The following STAG3 variants were observed in gnomAD, a reference collection of about 807,000 sequenced individuals.
STAG3 encodes the protein STAG3 cohesin complex component.
STAG3 carries 101 observed loss-of-function variants against 160.7 expected under a neutral mutation model. The ratio of observed to expected loss-of-function variants is 0.63; its 90% CI spans 0.54 to 0.74. The LOEUF is 0.74. Ranked by LOEUF, STAG3 falls within the 30% of genes least tolerant of loss-of-function variation. The probability of loss-of-function intolerance (pLI) is 0.00; values close to 1 mark genes in which losing one functional copy is unlikely to be tolerated. For missense variants in STAG3, 1,188 were observed against 1,517.4 expected (o/e 0.78, Z 3.61); for synonymous variants, 519 against 585.0 (o/e 0.89, Z 1.63).
chr7:100,211,790 A>C lies in STAG3; in HGVS notation c.3519-5A>C. On this transcript the variant is annotated splice_region_variant and splice_polypyrimidine_tract_variant and intron_variant, in intron 31 of 33. Transcript: ENST00000615138. ...GAAAAGCCAGTCTCTTTGCCCCTACATCAGACTCAGCCTTATGGAAGAGGA... is the reference window on the plus strand; with the variant it reads ...GAAAAGCCAGTCTCTTTGCCCCTACCTCAGACTCAGCCTTATGGAAGAGGA... The C allele has an allele frequency of 6.2e-7, 1 of 1,613,966 alleles. No individual in the cohort carries two copies. The highest frequency in any genetic ancestry group is 8.5e-7 in the Non-Finnish European group (1 of 1,179,934).
intron 4 of STAG3, among the ~76,000 whole-genome samples, chr7:100,183,815 G>C (rs747982879): frequency 6.6e-5 from 10 of 152,168 alleles, no homozygotes; most frequent in Non-Finnish European, 1.3e-4. Flanking sequence ...TTAATTATTT[G>C]AGTTAACATT....
At chr7:100,206,823 A>T (rs1801698628) in intron 29 of STAG3, among the ~76,000 whole-genome samples, 2 of 152,186 alleles carry the variant, frequency 1.3e-5, no homozygotes, top group Admixed American at 1.3e-4. Context: ...TTGTACAACC[A>T]TCACAACTAT....
chr7:100,189,411 A>C, intron 7 of STAG3, 34 bp from the exon 8 acceptor site: 1 of 1,598,354 alleles, frequency 6.3e-7, no homozygotes, highest in Non-Finnish European at 8.5e-7. Flanking sequence ...TGACCTCAGT[A>C]ATGATTTCTT....
chr7:100,218,307 A>G (rs1206479320), downstream of STAG3: 9 of 168,410 alleles, frequency 5.3e-5, no homozygotes, highest in African/African-American at 2.2e-4. Context: ...GAGTTATGCT[A>G]TAAACTAATG....
intron 4 of STAG3, among the ~76,000 whole-genome samples, chr7:100,184,755 C>CA (rs2117099329): frequency 6.6e-6 from 1 of 152,148 alleles, no homozygotes; most frequent in African/African-American, 2.4e-5. Flanking sequence ...TGTGAGCCAC[C>CA]ATGCCTGGCC....
Position 100,211,016 on chromosome 7 carries a change from G to T in STAG3, c.3244G>T (p.Ala1082Ser). The part of the protein sequence containing the change: ...SSKRRRVEGP[A>S]KPNREDVSSS... Reference sequence around the variant, plus strand: ...TGTATGCATCTGCTTGGCAGGGCCTGCCAAGCCTAACAGAGAGGACGTCTC... The same window carrying T: ...TGTATGCATCTGCTTGGCAGGGCCTTCCAAGCCTAACAGAGAGGACGTCTC... The change falls in exon 30 of 34, where the codon GCC becomes TCC. Residue 1082 changes from alanine (A) to serine (S), a missense_variant. By Grantham distance (99) the Ala-to-Ser change is moderately conservative. Around this residue, in one of 4 missense-constraint regions of STAG3, gnomAD observed 647 missense variants for 717.2 expected, o/e 0.90. Coordinates refer to ENST00000615138, the MANE Select transcript of STAG3 (RefSeq NM_001282717.2). The T allele has an allele frequency of 6.2e-7, 1 of 1,613,008 alleles. No individual in the cohort carries two copies.
chr7:100,201,710 CACTGGTGT>C, intron 21 of STAG3, 68 bp from the exon 22 acceptor site: 1 of 1,242,858 alleles, frequency 8.0e-7, no homozygotes, highest in Non-Finnish European at 1.2e-6. Flanking sequence ...CTCTCCTCTT[CACTGGTGT>C]GTTTCTGGCT....
chr7:100,204,618 T>C lies in STAG3; in HGVS notation c.2803-9T>C. 6.2e-7 allele frequency: 1 copy of C among 1,613,354 alleles called. No homozygotes were observed. Among genetic ancestry groups the C allele is most frequent in the Non-Finnish European group, 8.5e-7 (1 of 1,179,560 alleles). ...CCTTTCCCACATGCACCATGTCTCC[T>C]GGACACAGCTGTACACAGAACTGCT... On this transcript the variant is annotated splice_polypyrimidine_tract_variant and intron_variant, in intron 26 of 33. Coordinates refer to ENST00000615138, the MANE Select transcript of STAG3 (RefSeq NM_001282717.2).
In STAG3 at chr7:100,205,226, G is replaced by T; in HGVS notation, c.3081-1G>T. The T allele has an allele frequency of 8.7e-6, 14 of 1,613,856 alleles. No homozygotes were observed. The highest frequency in any genetic ancestry group is 1.2e-5 in the Non-Finnish European group (14 of 1,179,856). ...GGCTTTTGGTTCTACCTCTTTCATA[G>T]ACTGTCCTATCTAGAAAAGTGCCTG... On this transcript the variant is annotated splice_acceptor_variant, in intron 28 of 33. Transcript: ENST00000615138. LOFTEE classifies it high-confidence loss of function.
downstream of STAG3, among the ~76,000 whole-genome samples, chr7:100,216,884 C>T (rs1802798283): frequency 6.6e-6 from 1 of 152,182 alleles, no homozygotes; most frequent in Non-Finnish European, 1.5e-5. Flanking sequence ...TTGCAGTTAC[C>T]GCTTTTTAAA....
In STAG3 at chr7:100,188,924, A is replaced by G. The variant is rs1165337774; in HGVS notation, c.623A>G (p.Tyr208Cys). The change falls in exon 7 of 34, where the codon TAT (tyrosine) becomes TGT (cysteine). Residue 208 changes from tyrosine to cysteine, a missense_variant. Transcript: ENST00000615138. The part of the protein sequence containing the change: ...LVCQCQYSLL[Y>C]DGFPMDDLIS... The stretch of plus-strand genomic sequence containing the variant: ...TGTCAGTGCCAGTACAGCCTCCTCT[A>G]TGATGGCTTCCCTATGGACGACCTC... 9 of 1,614,102 alleles carry G rather than the reference A, an allele frequency of 5.6e-6. No homozygotes were observed. Among genetic ancestry groups the G allele is most frequent in the Admixed American group, 5.0e-5 (3 of 60,000 alleles).
intron 8 of STAG3, among the ~76,000 whole-genome samples, chr7:100,192,476 A>G (rs1304852713): frequency 6.6e-6 from 1 of 152,226 alleles, no homozygotes; most frequent in Non-Finnish European, 1.5e-5. Context: ...GTGAGCCAAG[A>G]TTGCGCCACC....
At chr7:100,217,516 T>C (rs1263554405), downstream of STAG3, among the ~76,000 whole-genome samples, 5 of 102,766 alleles carry the variant, frequency 4.9e-5, no homozygotes, top group African/African-American at 1.8e-4. Context: ...ATGGTAGAAA[T>C]GAAGACACAA....
chr7:100,180,874 C>T, intron 2 of STAG3: 1 of 376,612 alleles, frequency 2.7e-6, no homozygotes, highest in Non-Finnish European at 4.9e-6. Flanking sequence ...AATAGTAGTA[C>T]ATCCTGTTTT....
At chr7:100,192,459 G>A (rs1366004147) in intron 8 of STAG3, among the ~76,000 whole-genome samples, 3 of 152,226 alleles carry the variant, frequency 2.0e-5, no homozygotes, top group African/African-American at 7.2e-5. Context: ...AGGAGGCAGA[G>A]GTTGCAGTGA....
chr7:100,218,734 T>C, downstream of STAG3: 1 of 315,322 alleles, frequency 3.2e-6, no homozygotes, highest in Non-Finnish European at 6.3e-6. Flanking sequence ...GGTGTGATAG[T>C]GAAGGGGTGA....
intron 2 of STAG3, 101 bp downstream of exon 2, chr7:100,180,773 C>T (rs994660931): frequency 2.6e-6 from 2 of 770,532 alleles, no homozygotes; most frequent in Non-Finnish European, 4.6e-6. Flanking sequence ...TGTGTGAAAA[C>T]ACCAGAAGTG....
Position 100,188,964 on chromosome 7 carries a change from T to G in STAG3, c.663T>G (p.Thr221=), listed in dbSNP as rs1317710247. ...TGGACGACCTCATCTCCCTGCTCAC[T>G]GGCCTCTCAGACTCACAAGTCCGCG... ...FPMDDLISLL[T]GLSDSQVRAF... is the part of the protein sequence containing the mutation. Residue 221 remains threonine (T), a synonymous_variant, in exon 7 of 34, where the codon ACT becomes ACG. Coordinates refer to ENST00000615138, the MANE Select transcript of STAG3 (RefSeq NM_001282717.2). The G allele has an allele frequency of 3.1e-6, 5 of 1,614,214 alleles. No homozygotes were observed. Among genetic ancestry groups the G allele is most frequent in the Non-Finnish European group, 4.2e-6 (5 of 1,180,034 alleles).
At chr7:100,217,989 C>CA (rs1173851147), downstream of STAG3, among the ~76,000 whole-genome samples, 1 of 150,150 alleles carries the variant, frequency 6.7e-6, no homozygotes, top group Non-Finnish European at 1.5e-5. Flanking sequence ...GGTGGTGGAG[C>CA]AGCGTCTTCT....
Sources: gnomAD v4.1 joint callset for allele counts (sites outside exome capture counted in the v4.1 genomes callset) on GRCh38, gnomAD v4.1.1 for gene constraint, gnomAD v4.1.1 regional missense constraint, MANE v1.5 for transcripts, NCBI Gene and HGNC (gene_info 2026-07-23, HGNC 2026-07-21) for gene names.